ENTPD1: variants seen among roughly 807,000 people sequenced by gnomAD.
ENTPD1 encodes the protein ATP diphosphohydrolase.
A neutral mutation model predicts 57.0 loss-of-function variants in ENTPD1; 33 were observed. The observed-to-expected ratio is 0.58, with a 90% confidence interval of 0.44 to 0.77. The LOEUF (loss-of-function observed/expected upper bound fraction) is 0.77. Among genes scored for constraint, ENTPD1 ranks in the 30% least tolerant of loss-of-function variants. The pLI is 0.00. For missense variants in ENTPD1, 501 were observed against 603.4 expected (o/e 0.83, Z 1.78); for synonymous variants, 202 against 218.8 (o/e 0.92, Z 0.68).
At chr10:95,740,272 C>T (rs781334839) in intron 1 of ENTPD1, among the ~76,000 whole-genome samples, 5 of 152,184 alleles carry the variant, frequency 3.3e-5, no homozygotes, top group South Asian at 2.1e-4. Flanking sequence ...ACTACAGACA[C>T]GTGCCACCAA....
At chr10:95,695,299 T>C in the ENTPD1 span, among the ~76,000 whole-genome samples, 1 of 152,230 alleles carries the variant, frequency 6.6e-6, no homozygotes, top group African/African-American at 2.4e-5. Context: ...GATCAAAATA[T>C]TGCTCCTCCT....
intron 1 of ENTPD1, among the ~76,000 whole-genome samples, chr10:95,741,601 A>G (rs1346144759): frequency 1.3e-5 from 2 of 152,252 alleles, no homozygotes; most frequent in Non-Finnish European, 2.9e-5. Flanking sequence ...TCTGTGAAAC[A>G]CAATAAAGCC....
rs141207585 is a variant in ENTPD1 at position 95,823,442 on chromosome 10, T to C, written c.144+78T>C. The C allele has an allele frequency of 6.2e-6, 10 of 1,603,550 alleles. No homozygotes were observed. In the African/African-American group the frequency reaches 9.4e-5, roughly 15 times the overall value. ...GGACAGGGGGAGGAGGGATAAGGTA[T>C]GTAGAGCATAGGGGACGAGTTGAGG... On this transcript the variant is annotated intron_variant, in intron 2 of 9. Transcript: ENST00000371205.
At chr10:95,716,900 G>C (rs1050114305) in intron 1 of ENTPD1, among the ~76,000 whole-genome samples, 6 of 152,236 alleles carry the variant, frequency 3.9e-5, no homozygotes, top group African/African-American at 1.4e-4. Flanking sequence ...TCTGTAGCTA[G>C]TCATATAGTC....
rs764999960 is a variant in ENTPD1, at chr10:95,845,439, C to T, written c.656C>T (p.Thr219Ile). The T allele has an allele frequency of 3.7e-6, 6 of 1,614,090 alleles. No homozygotes were observed. The highest frequency in any genetic ancestry group is 1.6e-4 in the Middle Eastern group (1 of 6,084). Residue 219 changes from threonine (T) to isoleucine (I), a missense_variant, in exon 6 of 10, where the codon ACA (threonine) becomes ATA (isoleucine). Thr to Ile is a moderately conservative substitution (Grantham distance 89). Transcript: ENST00000371205. ...FGALDLGGAS[T>I]QVTFVPQNQT... ...GCTTTGGACCTTGGGGGAGCCTCTA[C>T]ACAAGTCACTTTTGTACCCCAAAAC... is the stretch of plus-strand genomic sequence containing the variant.
intron 6 of ENTPD1, 92 bp from the exon 7 acceptor site, chr10:95,847,354 T>G (rs935875947): frequency 1.4e-5 from 20 of 1,463,902 alleles, no homozygotes; most frequent in Admixed American, 5.0e-5. Flanking sequence ...TGGTGGGATG[T>G]TGTACAGTGC....
intron 1 of ENTPD1, among the ~76,000 whole-genome samples, chr10:95,721,509 T>G (rs1352340916): frequency 6.6e-6 from 1 of 152,202 alleles, no homozygotes; most frequent in Non-Finnish European, 1.5e-5. Context: ...GATTAAAGGA[T>G]TGTCCTAACC....
intron 1 of ENTPD1, among the ~76,000 whole-genome samples, chr10:95,819,406 C>T (rs568568439): frequency 5.6e-4 from 85 of 152,214 alleles, no homozygotes; most frequent in African/African-American, 1.9e-3. Context: ...TCAAGTGATC[C>T]GCCCACCTTT....
chr10:95,866,171 T>C lies in ENTPD1; in HGVS notation c.1327-6T>C. The C allele has an allele frequency of 6.2e-7, 1 of 1,612,548 alleles. No individual in the cohort carries two copies. The highest frequency in any genetic ancestry group is 1.1e-5 in the South Asian group (1 of 90,782). On this transcript the variant is annotated splice_polypyrimidine_tract_variant and splice_region_variant and intron_variant, in intron 9 of 9. Transcript: ENST00000371205. ...ACCACAAACAGACTTTCCCCACTGT[T>C]TGCAGATCCAGGGCAGCGACGCCGG...
intron 7 of ENTPD1, among the ~76,000 whole-genome samples, chr10:95,859,383 A>G (rs1297948859): frequency 1.3e-5 from 2 of 152,206 alleles, no homozygotes; most frequent in Non-Finnish European, 2.9e-5. Flanking sequence ...TGCTTTCTAC[A>G]TTCACTTCTA....
At chr10:95,858,394 T>C (rs1267810325) in intron 7 of ENTPD1, among the ~76,000 whole-genome samples, 2 of 152,008 alleles carry the variant, frequency 1.3e-5, no homozygotes, top group Admixed American at 6.5e-5. Flanking sequence ...TCAGCGACCT[T>C]GTAGGATTTG....
intron 1 of ENTPD1, among the ~76,000 whole-genome samples, chr10:95,746,805 G>A (rs1046984912): frequency 6.6e-6 from 1 of 152,172 alleles, no homozygotes; most frequent in African/African-American, 2.4e-5. Context: ...TATTGATAGT[G>A]GAGAAATACA....
intron 1 of ENTPD1, among the ~76,000 whole-genome samples, chr10:95,808,957 T>G (rs1262632015): frequency 2.0e-5 from 3 of 152,134 alleles, no homozygotes; most frequent in Non-Finnish European, 4.4e-5. Context: ...AGCATCTGTT[T>G]AACAAAGCAC....
At chr10:95,782,356 G>A (rs1464193483) in intron 1 of ENTPD1, among the ~76,000 whole-genome samples, 7 of 151,982 alleles carry the variant, frequency 4.6e-5, no homozygotes, top group East Asian at 1.9e-4. Context: ...TTCCTTTTTT[G>A]TATCACATCT....
At chr10:95,723,414 T>A (rs1933172) in intron 1 of ENTPD1, among the ~76,000 whole-genome samples, 1 of 151,866 alleles carries the variant, frequency 6.6e-6, no homozygotes, top group East Asian at 1.9e-4. Context: ...TGCCCATGTC[T>A]AGAGCTGTAT....
Position 95,715,193 on chromosome 10 carries a change from T to C in ENTPD1, c.37+3200T>C, listed in dbSNP as rs2097970105. On this transcript the variant is annotated intron_variant, in intron 1 of 9. Coordinates refer to the ENTPD1 transcript ENST00000453258. ...TTCAGATAACTGAGTCATACCCTCT[T>C]GTCTCTTTCTCCTTTCAATTCTGTC... Among the ~76,000 whole-genome samples, 6 of 152,328 alleles carry C rather than the reference T, an allele frequency of 3.9e-5. 1 individual carries two copies. In the South Asian group the frequency reaches 1.0e-3, roughly 26 times the overall value.
At chr10:95,863,575 G>T (rs533400275) in intron 8 of ENTPD1, among the ~76,000 whole-genome samples, 3 of 152,288 alleles carry the variant, frequency 2.0e-5, no homozygotes, top group African/African-American at 7.2e-5. Context: ...GTCATTCTGA[G>T]AATTTCATCA....
In ENTPD1 at chr10:95,870,704, C is replaced by A; in HGVS notation, c.*4321C>A. The stretch of plus-strand genomic sequence containing the variant: ...GAGTTTCACCCAAACTGGTCTGGCC[C>A]CTCTCTGATTCAAATACCAATAGTT... On this transcript the variant is annotated 3_prime_UTR_variant, in exon 10 of 10. Transcript: ENST00000371205. The A allele has an allele frequency of 3.0e-6, 3 of 985,426 alleles. No individual in the cohort carries two copies. Among genetic ancestry groups the A allele is most frequent in the Non-Finnish European group, 3.6e-6 (3 of 829,918 alleles). The allele number at this position is 985,426 out of a possible 1,614,324, so 61.0% of individuals were successfully genotyped here. A position where few individuals can be genotyped will look rare whatever the true frequency, so the allele number is the denominator to read the frequency against.
At chr10:95,756,381 C>CCT in intron 1 of ENTPD1, 126 bp downstream of exon 1, 1 of 1,065,578 alleles carries the variant, frequency 9.4e-7, no homozygotes, top group Non-Finnish European at 1.4e-6. Context: ...ACTTTCCCAC[C>CCT]CTCTTCCTTC....
Sources: allele counts gnomAD v4.1 joint callset (sites outside exome capture counted in the v4.1 genomes callset), GRCh38; gene constraint gnomAD v4.1.1; transcripts MANE v1.5; gene names NCBI Gene and HGNC (gene_info 2026-07-23, HGNC 2026-07-21).